ZNF469: variants seen among roughly 807,000 people sequenced by gnomAD.
ZNF469 encodes zinc finger protein 469.
In ZNF469, 1 loss-of-function variant was observed where a neutral mutation model predicts 1.0. The ratio of observed to expected loss-of-function variants is 1.00; its 90% CI spans 0.35 to 4.73. The LOEUF is 4.73. Among genes scored for constraint, ZNF469 ranks in the 30% most tolerant of loss-of-function variants. ZNF469 has a pLI of 0.16. For synonymous variants in ZNF469, 2,703 were observed against 2,363.4 expected, an observed-to-expected ratio of 1.14 and a Z score of -4.17; for missense variants, 6,100 against 5,356.3, an observed-to-expected ratio of 1.14 and a Z score of -4.33.
chr16:88,216,056 AT>A, the ZNF469 span, among the ~76,000 whole-genome samples: 4 of 150,214 alleles, frequency 2.7e-5, no homozygotes, highest in African/African-American at 2.4e-5. Context: ...TCTCTTCCAT[AT>A]TTTTTTTTGG....
At chr16:88,273,797 G>A in the ZNF469 span, among the ~76,000 whole-genome samples, 1 of 144,872 alleles carries the variant, frequency 6.9e-6, no homozygotes, top group South Asian at 2.1e-4. Flanking sequence ...TATTCACACT[G>A]TGGAATATTT....
the ZNF469 span, among the ~76,000 whole-genome samples, chr16:88,228,527 G>C: frequency 6.6e-6 from 1 of 152,244 alleles, no homozygotes; most frequent in Admixed American, 6.5e-5. Flanking sequence ...TTAAAGCAGA[G>C]ACGCACCCCT....
At chr16:88,357,720 G>T in the ZNF469 span, among the ~76,000 whole-genome samples, 2 of 152,212 alleles carry the variant, frequency 1.3e-5, no homozygotes, top group African/African-American at 4.8e-5. Context: ...ATTTCCCATC[G>T]CATTTATGGG....
chr16:88,224,569 T>C, the ZNF469 span, among the ~76,000 whole-genome samples: 1 of 152,174 alleles, frequency 6.6e-6, no homozygotes, highest in African/African-American at 2.4e-5. Flanking sequence ...CGTCAGCTTC[T>C]CTGATGAGGA....
the ZNF469 span, among the ~76,000 whole-genome samples, chr16:88,137,176 C>A: frequency 1.3e-5 from 2 of 152,204 alleles, no homozygotes; most frequent in African/African-American, 4.8e-5. Flanking sequence ...ACCATGTGTG[C>A]ATACAGCTAT....
upstream of ZNF469, among the ~76,000 whole-genome samples, chr16:88,378,073 G>A (rs144262137): frequency 2.8e-3 from 433 of 152,078 alleles, 1 homozygote; most frequent in Non-Finnish European, 4.5e-3. Context: ...TGTCCTAGAC[G>A]CCCCAAGATC....
chr16:88,187,313 C>T, the ZNF469 span, among the ~76,000 whole-genome samples: 23 of 152,344 alleles, frequency 1.5e-4, no homozygotes, highest in African/African-American at 5.5e-4. Flanking sequence ...CCAGCACCTG[C>T]CCAGGTGTGT....
At chr16:88,353,649 C>T in the ZNF469 span, among the ~76,000 whole-genome samples, 6 of 152,216 alleles carry the variant, frequency 3.9e-5, no homozygotes, top group African/African-American at 7.2e-5. Flanking sequence ...AACGGTGGCT[C>T]CCAACAACTC....
At chr16:88,225,519 T>C in the ZNF469 span, among the ~76,000 whole-genome samples, 6 of 152,124 alleles carry the variant, frequency 3.9e-5, no homozygotes, top group South Asian at 1.2e-3. Flanking sequence ...GGCTTTGCCT[T>C]TTTCGGGGAG....
At chr16:88,181,326 T>C in the ZNF469 span, among the ~76,000 whole-genome samples, 1 of 152,170 alleles carries the variant, frequency 6.6e-6, no homozygotes, top group Non-Finnish European at 1.5e-5. Flanking sequence ...CGCCTCGGCC[T>C]CCCAAAGTGC....
chr16:88,260,780 T>G, the ZNF469 span, among the ~76,000 whole-genome samples: 3 of 152,218 alleles, frequency 2.0e-5, no homozygotes, highest in African/African-American at 4.8e-5. This position sits in a 1 kb window ranked among gnomAD's most constrained non-coding sequence, Gnocchi z 4.1. Flanking sequence ...AAAGGGTCTC[T>G]GCAGATGTGA....
chr16:88,331,597 T>TATTGTTACCACCGCCATC, the ZNF469 span, among the ~76,000 whole-genome samples: 1 of 134,000 alleles, frequency 7.5e-6, no homozygotes, highest in East Asian at 2.4e-4. Flanking sequence ...CCATCACCAC[T>TATTGTTACCACCGCCATC]ATCATCACCA....
At chr16:88,378,766 T>C (rs28522311), upstream of ZNF469, among the ~76,000 whole-genome samples, 40,715 of 152,070 alleles carry the variant, frequency 0.27, 8,709 homozygotes, top group African/African-American at 0.57. Flanking sequence ...CAGCCTCAGC[T>C]TCCCCTATCT....
intron 1 of ZNF469, among the ~76,000 whole-genome samples, chr16:88,399,874 C>T (rs369052028): frequency 3.3e-5 from 5 of 152,220 alleles, no homozygotes; most frequent in South Asian, 2.1e-4. Context: ...GGTGCTCCTC[C>T]GCAGGGCTCT....
chr16:88,171,159 A>C, the ZNF469 span, among the ~76,000 whole-genome samples: 1 of 152,256 alleles, frequency 6.6e-6, no homozygotes, highest in African/African-American at 2.4e-5. Flanking sequence ...CTAGGTAGGC[A>C]TGATGGAGAT....
chr16:88,171,204 T>C, the ZNF469 span, among the ~76,000 whole-genome samples: 2 of 152,234 alleles, frequency 1.3e-5, no homozygotes, highest in Non-Finnish European at 2.9e-5. Flanking sequence ...ATGTGAGTGA[T>C]GTTTGGGAAT....
the ZNF469 span, among the ~76,000 whole-genome samples, chr16:88,326,802 C>G: frequency 3.3e-5 from 5 of 152,218 alleles, no homozygotes; most frequent in African/African-American, 1.2e-4. Flanking sequence ...AGCACTCGGG[C>G]CGGTCCTGAC....
At chr16:88,265,721 G>C in the ZNF469 span, among the ~76,000 whole-genome samples, 1 of 152,202 alleles carries the variant, frequency 6.6e-6, no homozygotes, top group African/African-American at 2.4e-5. Flanking sequence ...AGGAGCAGAC[G>C]GGAGTGGGTT....
the ZNF469 span, among the ~76,000 whole-genome samples, chr16:88,316,512 G>C: frequency 6.7e-6 from 1 of 149,884 alleles, no homozygotes; most frequent in Non-Finnish European, 1.5e-5. Flanking sequence ...GTGTGCGTCA[G>C]CTTGGCTGGT....
Sources: gnomAD v4.1 joint callset for allele counts (sites outside exome capture counted in the v4.1 genomes callset) on GRCh38, gnomAD v4.1.1 for gene constraint, Gnocchi (gnomAD v3.1) non-coding constraint, MANE v1.5 for transcripts, NCBI Gene and HGNC (gene_info 2026-07-23, HGNC 2026-07-21) for gene names.